The following ERC2 variants were observed in gnomAD, a reference collection of about 807,000 sequenced individuals.
ERC2 encodes ERC protein 2.
Under a neutral mutation model 114.8 loss-of-function variants are expected in ERC2, and 42 were observed. The ratio of observed to expected loss-of-function variants is 0.37; its 90% confidence interval spans 0.29 to 0.47. The LOEUF (loss-of-function observed/expected upper bound fraction) is 0.47. Among genes scored for constraint, ERC2 ranks in the 20% least tolerant of loss-of-function variants. The pLI, the probability that ERC2 is intolerant of heterozygous loss-of-function variation, is 0.99. For synonymous variants in ERC2, 454 were observed against 425.5 expected (o/e 1.07, Z -0.82); for missense variants, 939 against 1,150.7 (o/e 0.82, Z 2.66).
At chr3:55,925,740 A>G (rs1385966383) in intron 13 of ERC2, among the ~76,000 whole-genome samples, 2 of 152,324 alleles carry the variant, frequency 1.3e-5, no homozygotes, top group African/African-American at 4.8e-5. Context: ...AGTAACAAGT[A>G]CTGGAAATCA....
chr3:55,757,287 A>G (rs1310915579), intron 14 of ERC2, among the ~76,000 whole-genome samples: 1 of 152,066 alleles, frequency 6.6e-6, no homozygotes, highest in Admixed American at 6.6e-5. Flanking sequence ...ACACAGCACG[A>G]TATTACTTAG....
intron 15 of ERC2, among the ~76,000 whole-genome samples, chr3:55,708,136 T>C (rs1158453509): frequency 1.3e-5 from 2 of 152,202 alleles, no homozygotes; most frequent in South Asian, 2.1e-4. Context: ...CTGAAAACGA[T>C]GGAACTCAGA....
At chr3:56,311,253 CTCTATA>C (rs1475591093) in intron 2 of ERC2, among the ~76,000 whole-genome samples, 2 of 43,530 alleles carry the variant, frequency 4.6e-5, no homozygotes, top group East Asian at 6.1e-4. Flanking sequence ...CTCTCTCTCT[CTCTATA>C]TATATATATA....
rs575711745 is a variant in ERC2 at position 55,600,535 on chromosome 3, T to C, written c.*39+83259A>G. Among the ~76,000 whole-genome samples the C allele has an allele frequency of 1.1e-4, 17 of 152,282 alleles. No homozygotes were observed. The East Asian group carries it at 3.3e-3, about 29-fold the overall frequency. On this transcript the variant is annotated intron_variant, in intron 17 of 17. Coordinates refer to ENST00000288221, the MANE Select transcript of ERC2 (RefSeq NM_015576.3). ...CCCACCACTCAAGTCCCATTTTTTG[T>C]TGATTTATTTGGATTTTCAGATCAA...
At chr3:55,719,363 G>C (rs1422730958) in intron 15 of ERC2, among the ~76,000 whole-genome samples, 2 of 152,174 alleles carry the variant, frequency 1.3e-5, no homozygotes, top group Non-Finnish European at 2.9e-5. Context: ...AACCACTGAG[G>C]GGAGATGTGC....
chr3:55,941,299 G>A (rs888933761), intron 13 of ERC2, among the ~76,000 whole-genome samples: 5 of 152,148 alleles, frequency 3.3e-5, no homozygotes, highest in South Asian at 2.1e-4. Flanking sequence ...TAGATGCACT[G>A]CCCTGATGCC....
intron 17 of ERC2, among the ~76,000 whole-genome samples, chr3:55,594,978 C>G (rs1446279180): frequency 6.6e-6 from 1 of 152,080 alleles, no homozygotes; most frequent in Non-Finnish European, 1.5e-5. Flanking sequence ...CCCACCACTA[C>G]CTTCATCATC....
intron 14 of ERC2, among the ~76,000 whole-genome samples, chr3:55,764,996 T>G (rs987464260): frequency 1.3e-5 from 2 of 152,140 alleles, no homozygotes; most frequent in Non-Finnish European, 2.9e-5. Flanking sequence ...TGTGCCAAAC[T>G]TTATCAATTT....
intron 14 of ERC2, among the ~76,000 whole-genome samples, chr3:55,746,922 CCTCAAAGATG>C (rs1405251145): frequency 6.6e-6 from 1 of 152,116 alleles, no homozygotes; most frequent in African/African-American, 2.4e-5. Flanking sequence ...TTTAAGGCAT[CCTCAAAGATG>C]CTCAAAGATG....
chr3:56,416,052 T>C (rs1161281659), intron 2 of ERC2, among the ~76,000 whole-genome samples: 1 of 152,162 alleles, frequency 6.6e-6, no homozygotes. Flanking sequence ...ACAATTGTAT[T>C]CAGTATGATG....
intron 3 of ERC2, among the ~76,000 whole-genome samples, chr3:56,243,156 T>C (rs17235452): frequency 0.31 from 46,601 of 151,914 alleles, 9,085 homozygotes; most frequent in Middle Eastern, 0.43. Context: ...CCAAGAACAA[T>C]ATATAACAAA....
chr3:56,410,869 C>CA (rs2060916576), intron 2 of ERC2, among the ~76,000 whole-genome samples: 1 of 151,986 alleles, frequency 6.6e-6, no homozygotes, highest in Non-Finnish European at 1.5e-5. Context: ...ACTATGTTCC[C>CA]AATTTCAAAG....
chr3:56,040,620 A>C lies in ERC2; in HGVS notation c.1642-21589T>G, dbSNP rs1338332309. On this transcript the variant is annotated intron_variant, in intron 7 of 17. Coordinates refer to ENST00000288221, the MANE Select transcript of ERC2 (RefSeq NM_015576.3). ...CTATATATGTATATATAATATATAG[A>C]TGTATATGTATATATACATATATAG... 4.9e-4 allele frequency among the ~76,000 whole-genome samples: 44 copies of C among 90,028 alleles called. 1 individual carries two copies. The highest frequency in any genetic ancestry group is 1.8e-3 in the South Asian group (5 of 2,804). The allele number at this position is 90,028 out of a possible 152,430, so 59.1% of individuals were successfully genotyped here.
At chr3:56,412,871 A>G (rs2060996045) in intron 2 of ERC2, among the ~76,000 whole-genome samples, 1 of 152,232 alleles carries the variant, frequency 6.6e-6, no homozygotes, top group South Asian at 2.1e-4. Flanking sequence ...TAAACTATAA[A>G]GTCAGGAATA....
chr3:55,543,252 CA>C, intron 17 of ERC2, among the ~76,000 whole-genome samples: 1 of 152,270 alleles, frequency 6.6e-6, no homozygotes, highest in South Asian at 2.1e-4. Flanking sequence ...TGTAAGCAGT[CA>C]AATATCTGCA....
intron 14 of ERC2, among the ~76,000 whole-genome samples, chr3:55,781,327 C>T (rs1437926473): frequency 6.6e-6 from 1 of 152,118 alleles, no homozygotes; most frequent in African/African-American, 2.4e-5. Context: ...GGAATGAGAC[C>T]CTCCAGCCCT....
intron 17 of ERC2, among the ~76,000 whole-genome samples, chr3:55,512,906 C>G (rs1472555424): frequency 6.6e-6 from 1 of 152,238 alleles, no homozygotes; most frequent in Non-Finnish European, 1.5e-5. Context: ...AAGGAAACCT[C>G]AAGTGACACC....
At chr3:55,990,562 C>T (rs1388151966) in intron 11 of ERC2, among the ~76,000 whole-genome samples, 2 of 151,932 alleles carry the variant, frequency 1.3e-5, no homozygotes, top group African/African-American at 4.8e-5. Context: ...GTAGCTGGGA[C>T]CACAGGCACA....
chr3:56,188,091 T>C (rs767273323), intron 3 of ERC2, among the ~76,000 whole-genome samples: 5 of 152,166 alleles, frequency 3.3e-5, no homozygotes, highest in African/African-American at 4.8e-5. Context: ...CTGTCATCCA[T>C]CCACTAAGTC....
Sources: allele counts gnomAD v4.1 joint callset (sites outside exome capture counted in the v4.1 genomes callset), GRCh38; gene constraint gnomAD v4.1.1; transcripts MANE v1.5; gene names NCBI Gene and HGNC (gene_info 2026-07-23, HGNC 2026-07-21).